The following CFAP74 variants were observed in gnomAD, a reference collection of about 807,000 sequenced individuals.
CFAP74 encodes the protein cilia- and flagella-associated protein 74.
Under a neutral mutation model 188.9 loss-of-function variants are expected in CFAP74, and 124 were observed. The ratio of observed to expected loss-of-function variants is 0.66; its 90% CI spans 0.57 to 0.76. CFAP74 has a LOEUF of 0.76. CFAP74 is among the 30% of genes least tolerant of loss of function. CFAP74 has a pLI of 0.00. For missense variants in CFAP74, 2,198 were observed against 2,165.2 expected, an observed-to-expected ratio of 1.02 and a Z score of -0.30; for synonymous variants, 956 against 916.7, an observed-to-expected ratio of 1.04 and a Z score of -0.77.
chr1:1,988,191 C>G, intron 4 of CFAP74: 1 of 550,414 alleles, frequency 1.8e-6, no homozygotes, highest in Non-Finnish European at 3.6e-6. Context: ...TAATTTAGCA[C>G]AAAATCCCAT....
intron 2 of CFAP74, among the ~76,000 whole-genome samples, chr1:1,990,108 C>T (rs937283987): frequency 2.6e-5 from 4 of 152,046 alleles, no homozygotes; most frequent in African/African-American, 7.2e-5. Flanking sequence ...TAAGTGGCTA[C>T]GTATTAAAAT....
chr1:1,949,939 G>T (rs189244431), intron 18 of CFAP74, among the ~76,000 whole-genome samples: 2 of 152,278 alleles, frequency 1.3e-5, no homozygotes, highest in Admixed American at 1.3e-4. Flanking sequence ...CATTAGAGTT[G>T]TTGGTTTTTG....
intron 1 of CFAP74, among the ~76,000 whole-genome samples, chr1:1,995,104 G>A (rs1317990287): frequency 6.6e-6 from 1 of 152,220 alleles, no homozygotes; most frequent in Non-Finnish European, 1.5e-5. Flanking sequence ...TGAAGAAGCA[G>A]TGGAAGTTCC....
rs1014795572 is a variant in CFAP74 at position 1,968,151 on chromosome 1, G to A, written c.1245+484C>T. ...GTGAGTGAATGAATGAAGAAAGAAT[G>A]AGTGAGTGAACGAATAAAGGATGAG... is the stretch of plus-strand genomic sequence containing the variant. On this transcript the variant is annotated intron_variant, in intron 11 of 38. Transcript: ENST00000682832. The surrounding 1 kb of genome is among the most constrained non-coding windows in gnomAD (Gnocchi z 4.3). Among the ~76,000 whole-genome samples, 1 of 152,162 alleles carries A rather than the reference G, an allele frequency of 6.6e-6. No individual in the cohort carries two copies. The highest frequency in any genetic ancestry group is 6.5e-5 in the Admixed American group (1 of 15,288).
intron 13 of CFAP74, among the ~76,000 whole-genome samples, chr1:1,964,304 CCT>C (rs1462363177): frequency 6.6e-6 from 1 of 152,212 alleles, no homozygotes; most frequent in Non-Finnish European, 1.5e-5. Flanking sequence ...CTGCTACATC[CCT>C]GTCCCGAGGT....
chr1:1,961,566 C>T lies in CFAP74; in HGVS notation c.1695-1536G>A, dbSNP rs77084940. Among the ~76,000 whole-genome samples, 1,418 of 152,212 alleles carry T rather than the reference C, an allele frequency of 9.3e-3. 19 individuals are homozygous for T. Among genetic ancestry groups the T allele is most frequent in the African/African-American group, 0.033 (1,349 of 41,502 alleles). ...AATGCCTCGGTGGCTGAGAGCACAG[C>T]GACCACCTAAACCCACCTCTGCACG... On this transcript the variant is annotated intron_variant, in intron 14 of 38. Coordinates refer to ENST00000682832, the MANE Select transcript of CFAP74 (RefSeq NM_001304360.2).
At chr1:1,993,853 G>T (rs1451761808) in intron 1 of CFAP74, among the ~76,000 whole-genome samples, 1 of 151,008 alleles carries the variant, frequency 6.6e-6, no homozygotes, top group Admixed American at 6.6e-5. Flanking sequence ...GTGGTGGCGG[G>T]CGCCTATAGT....
intron 13 of CFAP74, 103 bp downstream of exon 13, chr1:1,964,783 CCA>C: frequency 8.2e-7 from 1 of 1,221,698 alleles, no homozygotes; most frequent in South Asian, 1.3e-5. Context: ...GAGTGAGACT[CCA>C]TCTCAAAAAA....
chr1:1,932,192 C>T (rs1333478518), intron 25 of CFAP74, among the ~76,000 whole-genome samples: 3 of 151,244 alleles, frequency 2.0e-5, no homozygotes, highest in Non-Finnish European at 2.9e-5. Flanking sequence ...GTCAGGAGAT[C>T]GAGACCATCC....
At chr1:1,970,085 TG>T (rs957867545) in intron 10 of CFAP74, among the ~76,000 whole-genome samples, 3 of 151,938 alleles carry the variant, frequency 2.0e-5, no homozygotes, top group East Asian at 1.9e-4. Context: ...GGCCCGTGGG[TG>T]GGGGGTCCGA....
At chr1:1,993,334 G>C (rs994496252) in intron 1 of CFAP74, among the ~76,000 whole-genome samples, 7 of 151,666 alleles carry the variant, frequency 4.6e-5, no homozygotes, top group African/African-American at 1.7e-4. Flanking sequence ...ACCCAGGCTG[G>C]AGTGCAGTGG....
At chr1:1,977,413 C>T (rs531512187) in intron 6 of CFAP74, among the ~76,000 whole-genome samples, 2 of 152,320 alleles carry the variant, frequency 1.3e-5, no homozygotes, top group South Asian at 2.1e-4. Flanking sequence ...CCCTCGAAGG[C>T]AGGCTCTGCT....
At chr1:1,974,670 CAT>C (rs1211430348) in intron 6 of CFAP74, among the ~76,000 whole-genome samples, 5 of 152,252 alleles carry the variant, frequency 3.3e-5, no homozygotes, top group Admixed American at 6.5e-5. Flanking sequence ...CCCGGGGCCA[CAT>C]GTCCTGGATG....
intron 16 of CFAP74, among the ~76,000 whole-genome samples, chr1:1,958,669 A>G (rs989393307): frequency 6.7e-6 from 1 of 150,046 alleles, no homozygotes; most frequent in Non-Finnish European, 1.5e-5. Context: ...TTGATGGACC[A>G]AGCAAAGGTG....
chr1:1,925,737 C>T (rs1441902156), intron 33 of CFAP74, 46 bp downstream of exon 33: 1 of 1,583,040 alleles, frequency 6.3e-7, no homozygotes, highest in Non-Finnish European at 8.6e-7. Context: ...GGTGGAAACC[C>T]CTCCTGGGAG....
intron 6 of CFAP74, among the ~76,000 whole-genome samples, chr1:1,974,484 G>A (rs962557333): frequency 5.3e-5 from 8 of 152,338 alleles, no homozygotes; most frequent in East Asian, 1.9e-4. Context: ...CGTTGGCTGC[G>A]GTGGGCCTGG....
chr1:1,962,387 A>G (rs960955433), intron 14 of CFAP74, among the ~76,000 whole-genome samples: 2 of 151,494 alleles, frequency 1.3e-5, no homozygotes, highest in African/African-American at 4.9e-5. Flanking sequence ...GAGGCAGAAG[A>G]ATCGCTTGAA....
At chr1:1,925,704 G>T in intron 33 of CFAP74, 79 bp downstream of exon 33, 1 of 1,502,446 alleles carries the variant, frequency 6.7e-7, no homozygotes, top group South Asian at 1.3e-5. Flanking sequence ...GGTCACTTTT[G>T]ACAGCTGGCC....
At chr1:1,933,863 G>A (rs1169763057) in intron 25 of CFAP74, among the ~76,000 whole-genome samples, 1 of 152,068 alleles carries the variant, frequency 6.6e-6, no homozygotes, top group Non-Finnish European at 1.5e-5. Flanking sequence ...TCTTGAAAAG[G>A]AAGCTTAGAT....
Sources: allele counts gnomAD v4.1 joint callset (sites outside exome capture counted in the v4.1 genomes callset), GRCh38; gene constraint gnomAD v4.1.1; non-coding constraint Gnocchi (gnomAD v3.1); transcripts MANE v1.5; gene names NCBI Gene and HGNC (gene_info 2026-07-23, HGNC 2026-07-21).